ATP1A2: variants seen among roughly 807,000 people sequenced by gnomAD.
ATP1A2 encodes the protein ATPase Na+/K+ transporting subunit alpha 2.
In ATP1A2, 56 loss-of-function variants were observed where a neutral mutation model predicts 113.1. That is an observed-to-expected ratio of 0.49 (90% CI 0.40 to 0.62). ATP1A2 has a LOEUF of 0.62. Among genes scored for constraint, ATP1A2 ranks in the 20% least tolerant of loss-of-function variants. ATP1A2 has a pLI of 0.00. For missense variants in ATP1A2, 712 were observed against 1,357.8 expected (o/e 0.52, Z 7.47); for synonymous variants, 490 against 526.8 (o/e 0.93, Z 0.96).
chr1:160,139,761 G>C lies in ATP1A2; in HGVS notation c.2942+20G>C. 6.2e-7 allele frequency: 1 copy of C among 1,613,840 alleles called. No homozygotes were observed. Among genetic ancestry groups the C allele is most frequent in the Non-Finnish European group, 8.5e-7 (1 of 1,179,788 alleles). Reference sequence around the variant, plus strand: ...GCTCAAGTGAGTGTCTCTTTCGGGCGGCCTGAGTAGTCATACGGGGGGCCT... The same window carrying C: ...GCTCAAGTGAGTGTCTCTTTCGGGCCGCCTGAGTAGTCATACGGGGGGCCT... On this transcript the variant is annotated intron_variant, in intron 21 of 22. Coordinates refer to ENST00000361216, the MANE Select transcript of ATP1A2 (RefSeq NM_000702.4).
chr1:160,115,912 G>GT (rs1018043439), intron 1 of ATP1A2, 39 bp downstream of exon 1: 5 of 1,596,364 alleles, frequency 3.1e-6, no homozygotes, highest in Non-Finnish European at 4.3e-6. Context: ...AGTCTAGAGG[G>GT]TGAGGGAGGC....
chr1:160,116,157 A>C (rs1264443793), intron 1 of ATP1A2, among the ~76,000 whole-genome samples: 2 of 143,598 alleles, frequency 1.4e-5, no homozygotes, highest in Admixed American at 1.4e-4. Flanking sequence ...CCCCACTCCC[A>C]CATCTCTAGT....
At chr1:160,134,723 T>C in intron 14 of ATP1A2, 103 bp downstream of exon 14, 1 of 1,531,858 alleles carries the variant, frequency 6.5e-7, no homozygotes, top group Non-Finnish European at 9.0e-7. Context: ...TCTGGGACCT[T>C]TATAGGCCTT....
At chr1:160,140,054 G>T (rs1274171563) in intron 22 of ATP1A2, 70 bp downstream of exon 22, 3 of 1,454,092 alleles carry the variant, frequency 2.1e-6, no homozygotes, top group East Asian at 2.3e-5. Flanking sequence ...AGGACCACAC[G>T]CAGACTCCAC....
intron 1 of ATP1A2, 90 bp downstream of exon 1, chr1:160,115,963 C>T (rs374133858): frequency 1.2e-4 from 190 of 1,538,536 alleles, no homozygotes; most frequent in Non-Finnish European, 1.6e-4. Flanking sequence ...GTGGAAGGAG[C>T]GGGAGAGAGG....
At chr1:160,134,219 CA>C (rs1651859612) in intron 13 of ATP1A2, among the ~76,000 whole-genome samples, 1 of 52,350 alleles carries the variant, frequency 1.9e-5, no homozygotes, top group Non-Finnish European at 4.7e-5. Flanking sequence ...CCCCCTCACA[CA>C]CACACAATCC....
chr1:160,134,805 T>C (rs766720898), intron 14 of ATP1A2, among the ~76,000 whole-genome samples, 185 bp downstream of exon 14: 1 of 152,246 alleles, frequency 6.6e-6, no homozygotes, highest in Non-Finnish European at 1.5e-5. Flanking sequence ...AATACCCATG[T>C]AACCTTGGAG....
rs999549601 is a variant in ATP1A2, at chr1:160,125,270, C to T, written c.748+17C>T. On this transcript the variant is annotated intron_variant, in intron 7 of 22. Coordinates refer to ENST00000361216, the MANE Select transcript of ATP1A2 (RefSeq NM_000702.4). ...GTGTTGAAGGTGAGAAGCCAGGCTGCCCCCTGTAGGAAAGAGTCTGAATCC... is the reference window on the plus strand; with the variant it reads ...GTGTTGAAGGTGAGAAGCCAGGCTGTCCCCTGTAGGAAAGAGTCTGAATCC... The T allele has an allele frequency of 1.3e-6, 2 of 1,596,040 alleles. No individual in the cohort carries two copies. Among genetic ancestry groups the T allele is most frequent in the Non-Finnish European group, 1.7e-6 (2 of 1,163,692 alleles).
At chr1:160,134,921 A>G (rs1651886494) in intron 14 of ATP1A2, among the ~76,000 whole-genome samples, 1 of 152,218 alleles carries the variant, frequency 6.6e-6, no homozygotes. Flanking sequence ...CCCAGGGCCT[A>G]GCAAACTGCA....
intron 22 of ATP1A2, 191 bp downstream of exon 22, chr1:160,140,175 A>G: frequency 1.6e-6 from 1 of 622,370 alleles, no homozygotes; most frequent in East Asian, 2.9e-5. Flanking sequence ...TTCCCATCAG[A>G]TTCTAAACCC....
rs112766586 is a variant in ATP1A2 at position 160,128,473 on chromosome 1, A to G, written c.1018-179A>G. On this transcript the variant is annotated intron_variant, in intron 8 of 22. Coordinates refer to ENST00000361216, the MANE Select transcript of ATP1A2 (RefSeq NM_000702.4). The stretch of plus-strand genomic sequence containing the variant: ...CCCCTAATGGGCATTTCATCTTAAC[A>G]GATACTCATGATCTCAACACATCTA... 5,216 of 1,527,450 alleles carry G rather than the reference A, an allele frequency of 3.4e-3. 28 individuals are homozygous for G. Among genetic ancestry groups the G allele is most frequent in the Middle Eastern group, 0.018 (106 of 5,964 alleles). The allele number at this position is 1,527,450 out of a possible 1,614,324, so 94.6% of individuals were successfully genotyped here.
At chr1:160,119,050 T>G (rs567961467) in intron 1 of ATP1A2, among the ~76,000 whole-genome samples, 2 of 151,608 alleles carry the variant, frequency 1.3e-5, no homozygotes, top group Admixed American at 6.6e-5. Context: ...ACGATAAAGA[T>G]GTATCAATGC....
In ATP1A2 at chr1:160,134,479, A is replaced by G. The variant is rs1159362337; in HGVS notation, c.1828-5A>G. On this transcript the variant is annotated splice_region_variant and splice_polypyrimidine_tract_variant and intron_variant, in intron 13 of 22. Coordinates refer to ENST00000361216, the MANE Select transcript of ATP1A2 (RefSeq NM_000702.4). Reference sequence around the variant, plus strand: ...TTTCCTGTTGTCTCCTCTCCTTCCCACTAGGTGATCATGGTAACCGGGGAT... The same window carrying G: ...TTTCCTGTTGTCTCCTCTCCTTCCCGCTAGGTGATCATGGTAACCGGGGAT... 1.2e-6 allele frequency: 2 copies of G among 1,614,028 alleles called. No homozygotes were observed. The highest frequency in any genetic ancestry group is 1.7e-6 in the Non-Finnish European group (2 of 1,180,020).
rs373294271 is a variant in ATP1A2 at position 160,129,108 on chromosome 1, C to G, written c.1326+19C>G. ...GTCTAAGGTAGGGGGTCAGGACACA[C>G]ACCAGGTATGTTTTGGGGGTGTCTC... On this transcript the variant is annotated intron_variant, in intron 10 of 22. Transcript: ENST00000361216. 4 of 1,601,632 alleles carry G rather than the reference C, an allele frequency of 2.5e-6. No individual in the cohort carries two copies. The African/African-American group carries it at 5.6e-5, about 22-fold the overall frequency.
At chr1:160,119,094 T>A (rs969362097) in intron 1 of ATP1A2, among the ~76,000 whole-genome samples, 1 of 151,918 alleles carries the variant, frequency 6.6e-6, no homozygotes, top group Non-Finnish European at 1.5e-5. Flanking sequence ...AACACTCTGA[T>A]GCAGGGTGTT....
rs376325883 is a variant in ATP1A2, at chr1:160,135,809, C to T, written c.2285-30C>T. The T allele has an allele frequency of 9.9e-6, 16 of 1,614,022 alleles. No individual in the cohort carries two copies. The highest frequency in any genetic ancestry group is 9.3e-5 in the African/African-American group (7 of 74,900). Reference sequence around the variant, plus strand: ...GGGGGTGGGGAAGAGTCCCTCTGACCTCCCTGATGCCCTCAGAATCTCCCC... The same window carrying T: ...GGGGGTGGGGAAGAGTCCCTCTGACTTCCCTGATGCCCTCAGAATCTCCCC... On this transcript the variant is annotated intron_variant, in intron 16 of 22. Transcript: ENST00000361216. The surrounding 1 kb of genome is among the most constrained non-coding windows in gnomAD (Gnocchi z 6.3).
At chr1:160,130,640 G>A (rs1651743256) in intron 13 of ATP1A2, 43 bp downstream of exon 13, 1 of 1,613,208 alleles carries the variant, frequency 6.2e-7, no homozygotes, top group Non-Finnish European at 8.5e-7. Context: ...CCTCCCCCAT[G>A]CCAGAGTTCA....
intron 7 of ATP1A2, among the ~76,000 whole-genome samples, chr1:160,126,018 G>C (rs1651574636): frequency 6.6e-6 from 1 of 152,102 alleles, no homozygotes. Context: ...ATAGGGCAAA[G>C]GAGGCCTCAT....
In ATP1A2 at chr1:160,139,639, G is replaced by A; in HGVS notation, c.2841-1G>A. 1 of 1,614,064 alleles carries A rather than the reference G, an allele frequency of 6.2e-7. No homozygotes were observed. The highest frequency in any genetic ancestry group is 8.5e-7 in the Non-Finnish European group (1 of 1,179,996). ...TGCCACCTCCTTTCTTTGCCTTTCA[G>A]GAACAAGATCCTGATTTTTGGGCTC... is the stretch of plus-strand genomic sequence containing the variant. On this transcript the variant is annotated splice_acceptor_variant, in intron 20 of 22. Transcript: ENST00000361216. LOFTEE classifies it high-confidence loss of function.
Sources: allele counts gnomAD v4.1 joint callset (sites outside exome capture counted in the v4.1 genomes callset), GRCh38; gene constraint gnomAD v4.1.1; non-coding constraint Gnocchi (gnomAD v3.1); transcripts MANE v1.5; gene names NCBI Gene and HGNC (gene_info 2026-07-23, HGNC 2026-07-21).